Variants in KIF21A observed in about 807,000 individuals in gnomAD.
KIF21A encodes the protein kinesin-like protein KIF21A.
KIF21A carries 114 observed loss-of-function variants against 202.9 expected under a neutral mutation model. The ratio of observed to expected loss-of-function variants is 0.56; its 90% CI spans 0.48 to 0.66. The LOEUF is 0.66. Among genes scored for constraint, KIF21A ranks in the 30% least tolerant of loss-of-function variants. KIF21A has a pLI of 0.00. For synonymous variants in KIF21A, 667 were observed against 670.8 expected (o/e 0.99, Z 0.09); for missense variants, 1,677 against 1,994.9 (o/e 0.84, Z 3.04).
At position 39,307,538 on chromosome 12, in the gene KIF21A, G is replaced by C. The variant is rs376170265; in HGVS notation, c.4442+27C>G. On this transcript the variant is annotated intron_variant, in intron 34 of 37. Transcript: ENST00000361418. The stretch of plus-strand genomic sequence containing the variant: ...CTGAAGTTGTATTTGCCATAGGCAA[G>C]AGGTATGTTTTCTTAAAAATATCTA... 8 of 1,606,536 alleles carry C rather than the reference G, an allele frequency of 5.0e-6. No individual in the cohort carries two copies. The African/African-American group carries it at 1.1e-4, about 21-fold the overall frequency.
intron 11 of KIF21A, among the ~76,000 whole-genome samples, chr12:39,349,286 G>A (rs1400050831): frequency 1.3e-5 from 2 of 152,050 alleles, no homozygotes; most frequent in African/African-American, 4.8e-5. Context: ...ATGTGAGTGA[G>A]CTGAGAAATT....
rs1432997726 is a variant in KIF21A at position 39,318,200 on chromosome 12, A to C, written c.3781T>G (p.Ser1261Ala). The change falls in exon 29 of 38, where the codon TCA becomes GCA. Residue 1261 changes from serine (S) to alanine (A), a missense_variant and splice_region_variant. By Grantham distance (99) the Ser-to-Ala change is moderately conservative. This residue lies in a region of KIF21A where 705 missense variants were observed against 791.9 expected (regional missense o/e 0.89). Transcript: ENST00000361418. ...CTAGCCTCTGAAGTTCCAGAATCTG[A>C]GCTACAAGAAAAAAAGAACATTAAG... ...EKSKAKEQKHSDSGTSEASLS... is the reference protein window; with the variant it reads ...EKSKAKEQKHADSGTSEASLS... The C allele has an allele frequency of 1.2e-6, 2 of 1,612,968 alleles. No homozygotes were observed. The highest frequency in any genetic ancestry group is 1.7e-6 in the Non-Finnish European group (2 of 1,179,162).
chr12:39,440,966 G>C (rs1481892908), intron 1 of KIF21A, among the ~76,000 whole-genome samples: 1 of 151,994 alleles, frequency 6.6e-6, no homozygotes, highest in African/African-American at 2.4e-5. Flanking sequence ...AGTGAGCTAT[G>C]ATGGCACCAC....
rs529675244 is a variant in KIF21A at position 39,332,289 on chromosome 12, C to T, written c.2976G>A (p.Leu992=). Residue 992 remains leucine, a synonymous_variant, in exon 21 of 38, where the codon CTG becomes CTA. Transcript: ENST00000361418. ...CATTGATGTAATCGATATTAGCAGT[C>T]AGTGACTCCATCTCTTCATTGATAT... ...VANINEEMES[L]TANIDYINDS... The T allele has an allele frequency of 3.7e-6, 6 of 1,613,794 alleles. No individual in the cohort carries two copies. Among genetic ancestry groups the T allele is most frequent in the Non-Finnish European group, 5.1e-6 (6 of 1,179,796 alleles).
rs144125521 is a variant in KIF21A at position 39,390,288 on chromosome 12, T to C, written c.45-20027A>G. ...GTATGAGTATTCAGATCATTCCCAT[T>C]ATATTTTCATAGAAGTGAATGATTT... On this transcript the variant is annotated intron_variant, in intron 1 of 37. Coordinates refer to ENST00000361418, the MANE Select transcript of KIF21A (RefSeq NM_001173464.2). 1.6e-3 allele frequency among the ~76,000 whole-genome samples: 239 copies of C among 152,322 alleles called. No homozygotes were observed. The East Asian group carries it at 0.024, about 15-fold the overall frequency.
At chr12:39,327,699 C>T (rs76704868) in intron 24 of KIF21A, among the ~76,000 whole-genome samples, 7,486 of 152,222 alleles carry the variant, frequency 0.049, 631 homozygotes, top group African/African-American at 0.17. Context: ...CAGAGGATCT[C>T]ACTCAGATGG....
intron 1 of KIF21A, among the ~76,000 whole-genome samples, chr12:39,422,785 C>T (rs1954410194): frequency 6.6e-6 from 1 of 152,228 alleles, no homozygotes; most frequent in South Asian, 2.1e-4. Flanking sequence ...GTTCATTCAA[C>T]ACTGCTCTAA....
intron 1 of KIF21A, among the ~76,000 whole-genome samples, chr12:39,391,341 C>T (rs929897272): frequency 1.3e-5 from 2 of 152,012 alleles, no homozygotes; most frequent in Admixed American, 6.5e-5. Flanking sequence ...CAGATAGCTA[C>T]AGTTCAGTTG....
At chr12:39,434,935 A>C (rs1938473863) in intron 1 of KIF21A, among the ~76,000 whole-genome samples, 1 of 152,098 alleles carries the variant, frequency 6.6e-6, no homozygotes, top group Non-Finnish European at 1.5e-5. Flanking sequence ...ATCTATTCTG[A>C]AAAAAATGTA....
intron 1 of KIF21A, among the ~76,000 whole-genome samples, chr12:39,395,521 C>A (rs961715502): frequency 7.2e-5 from 11 of 152,144 alleles, no homozygotes; most frequent in African/African-American, 2.7e-4. Flanking sequence ...GTTCTACGAC[C>A]ATAACCTATG....
At chr12:39,438,609 A>G (rs559686572) in intron 1 of KIF21A, among the ~76,000 whole-genome samples, 6 of 152,272 alleles carry the variant, frequency 3.9e-5, no homozygotes, top group Admixed American at 3.9e-4. Flanking sequence ...CATAAATTAG[A>G]CCACATTACA....
intron 1 of KIF21A, among the ~76,000 whole-genome samples, chr12:39,436,449 T>TATATATATATATATATATA (rs1491365902): frequency 1.1e-3 from 99 of 86,738 alleles, no homozygotes; most frequent in African/African-American, 4.1e-3. Flanking sequence ...TATATATATA[T>TATATATATATATATATATA]TTTTTTTTTT....
chr12:39,339,449 G>A (rs1318563109), intron 16 of KIF21A, among the ~76,000 whole-genome samples: 2 of 152,038 alleles, frequency 1.3e-5, no homozygotes, highest in South Asian at 2.1e-4. Context: ...CTATACCATC[G>A]TGGTTTGTAT....
At position 39,335,024 on chromosome 12, in the gene KIF21A, G is replaced by A. The variant is rs539373927; in HGVS notation, c.2419-1744C>T. Reference sequence around the variant, plus strand: ...AGAACCCAAACGTCTATCAACTGATGAATGGACAAACAAAACATATTCTAT... The same window carrying A: ...AGAACCCAAACGTCTATCAACTGATAAATGGACAAACAAAACATATTCTAT... On this transcript the variant is annotated intron_variant, in intron 17 of 37. Coordinates refer to ENST00000361418, the MANE Select transcript of KIF21A (RefSeq NM_001173464.2). Among the ~76,000 whole-genome samples the A allele has an allele frequency of 5.9e-5, 9 of 152,226 alleles. No individual in the cohort carries two copies. The South Asian group carries it at 1.9e-3, about 32-fold the overall frequency.
intron 1 of KIF21A, among the ~76,000 whole-genome samples, chr12:39,377,064 A>G (rs1404003556): frequency 6.6e-6 from 1 of 151,936 alleles, no homozygotes; most frequent in Non-Finnish European, 1.5e-5. Flanking sequence ...AGTTATTCTG[A>G]TCTCATCCCC....
At position 39,307,691 on chromosome 12, in the gene KIF21A, G is replaced by C; in HGVS notation, c.4316C>G (p.Ala1439Gly). 2 of 1,614,018 alleles carry C rather than the reference G, an allele frequency of 1.2e-6. No individual in the cohort carries two copies. The highest frequency in any genetic ancestry group is 1.7e-6 in the Non-Finnish European group (2 of 1,179,942). ...AATAGCTACTGTTCGACTGGTACTT[G>C]CAGAACAAGCATCTCCAAGAGTAAC... is the stretch of plus-strand genomic sequence containing the variant. ...GQVTLGDACS[A>G]STSRTVAIPS... Residue 1439 changes from alanine to glycine, a missense_variant, in exon 34 of 38, where the codon GCA (alanine) becomes GGA (glycine). This residue lies in a region of KIF21A where 705 missense variants were observed against 791.9 expected (regional missense o/e 0.89). Coordinates refer to ENST00000361418, the MANE Select transcript of KIF21A (RefSeq NM_001173464.2).
At position 39,443,091 on chromosome 12, in the gene KIF21A, T is replaced by C; in HGVS notation, c.-121A>G. 16 of 950,456 alleles carry C rather than the reference T, an allele frequency of 1.7e-5. No homozygotes were observed. The highest frequency in any genetic ancestry group is 2.3e-5 in the Non-Finnish European group (16 of 690,308). 58.9% of individuals were successfully genotyped at this position (950,456 alleles called of 1,614,324 possible). A position where few individuals can be genotyped will look rare whatever the true frequency, so the allele number is the denominator to read the frequency against. On this transcript the variant is annotated 5_prime_UTR_variant, in exon 1 of 38. Transcript: ENST00000361418. ...TCTGCGGGCGGGCGGCCGGCTCACCTCCGCCGCGCTCCAGCCATGTTGGGC... is the reference window on the plus strand; with the variant it reads ...TCTGCGGGCGGGCGGCCGGCTCACCCCCGCCGCGCTCCAGCCATGTTGGGC...
chr12:39,342,021 C>A lies in KIF21A; in HGVS notation c.1803+13G>T. 6.4e-7 allele frequency: 1 copy of A among 1,574,734 alleles called. No homozygotes were observed. Among genetic ancestry groups the A allele is most frequent in the Admixed American group, 1.7e-5 (1 of 59,664 alleles). On this transcript the variant is annotated intron_variant, in intron 13 of 37. Transcript: ENST00000361418. ...GGTGACTAAAACTGACAAGTTCATT[C>A]TTTCATACTTACCACTTCTAATTCA...
At chr12:39,377,789 G>A (rs1219959870) in intron 1 of KIF21A, among the ~76,000 whole-genome samples, 1 of 152,070 alleles carries the variant, frequency 6.6e-6, no homozygotes, top group Non-Finnish European at 1.5e-5. Flanking sequence ...TGTGTTCCAG[G>A]GACTAGGGAG....
Sources: allele counts gnomAD v4.1 joint callset (sites outside exome capture counted in the v4.1 genomes callset), GRCh38; gene constraint gnomAD v4.1.1; regional missense constraint gnomAD v4.1.1; transcripts MANE v1.5; gene names NCBI Gene and HGNC (gene_info 2026-07-23, HGNC 2026-07-21).